ACSM1: variants seen among roughly 807,000 people sequenced by gnomAD.
The protein encoded by ACSM1 is acyl-coenzyme A synthetase ACSM1, mitochondrial.
A neutral mutation model predicts 75.8 loss-of-function variants in ACSM1; 79 were observed. The observed-to-expected ratio is 1.04, with a 90% CI of 0.87 to 1.26. The LOEUF is 1.26. Ranked by LOEUF, ACSM1 falls within the 50% of genes most tolerant of loss-of-function variation. The probability of loss-of-function intolerance (pLI) is 0.00; values close to 1 mark genes in which losing one functional copy is unlikely to be tolerated. For synonymous variants in ACSM1, 279 were observed against 265.8 expected (o/e 1.05, Z -0.48); for missense variants, 676 against 720.1 (o/e 0.94, Z 0.70).
intron 7 of ACSM1, among the ~76,000 whole-genome samples, chr16:20,656,598 T>G (rs2018972523): frequency 6.6e-6 from 1 of 152,216 alleles, no homozygotes; most frequent in Non-Finnish European, 1.5e-5. Flanking sequence ...ATTTAAGAGT[T>G]GCTTTATAAT....
At chr16:20,644,832 G>A (rs1356649807) in intron 7 of ACSM1, among the ~76,000 whole-genome samples, 1 of 152,226 alleles carries the variant, frequency 6.6e-6, no homozygotes, top group Non-Finnish European at 1.5e-5. Context: ...AAAGTTAACG[G>A]TGTAACATGT....
At chr16:20,670,564 G>A (rs975741556) in intron 5 of ACSM1, among the ~76,000 whole-genome samples, 26 of 152,168 alleles carry the variant, frequency 1.7e-4, no homozygotes, top group African/African-American at 5.1e-4. Flanking sequence ...ATATCTCCCC[G>A]TTGTTTTCCT....
At chr16:20,625,369 A>G in intron 12 of ACSM1, 54 bp downstream of exon 12, 1 of 1,559,486 alleles carries the variant, frequency 6.4e-7, no homozygotes, top group South Asian at 1.1e-5. Flanking sequence ...TTTCCCCTGC[A>G]CCTGCTTTCC....
intron 1 of ACSM1, among the ~76,000 whole-genome samples, 196 bp from the exon 2 acceptor site, chr16:20,691,435 A>G (rs1213025685): frequency 1.3e-5 from 2 of 152,136 alleles, no homozygotes; most frequent in Non-Finnish European, 2.9e-5. Context: ...TGGGGAGGTT[A>G]TATAGCTACT....
intron 7 of ACSM1, among the ~76,000 whole-genome samples, chr16:20,643,397 C>T (rs2018175544): frequency 6.6e-6 from 1 of 152,164 alleles, no homozygotes; most frequent in African/African-American, 2.4e-5. Context: ...TTATTCCTTC[C>T]AGTGGGTTCT....
intron 7 of ACSM1, 32 bp from the exon 8 acceptor site, chr16:20,640,616 G>A (rs12444145): frequency 3.5e-4 from 572 of 1,613,894 alleles, no homozygotes; most frequent in Admixed American, 8.7e-4. Context: ...AGGCATTGGT[G>A]AGCCACCCTG....
rs925623815 is a variant in ACSM1, at chr16:20,657,957, A to G, written c.992+3837T>C. 3.3e-5 allele frequency among the ~76,000 whole-genome samples: 5 copies of G among 152,134 alleles called. No individual in the cohort carries two copies. The East Asian group carries it at 9.6e-4, about 29-fold the overall frequency. On this transcript the variant is annotated intron_variant, in intron 7 of 13. Transcript: ENST00000520010. ...TGAACTCATCATTTTTTGTGGCTGC[A>G]TAGTATTCCATGGTGTATATGTGCC...
At chr16:20,655,459 A>G (rs1392664509) in intron 7 of ACSM1, among the ~76,000 whole-genome samples, 1 of 152,174 alleles carries the variant, frequency 6.6e-6, no homozygotes. Context: ...AACAGTCTGA[A>G]CGCTTGTGAA....
At chr16:20,691,424 C>T (rs980984176) in intron 1 of ACSM1, among the ~76,000 whole-genome samples, 185 bp from the exon 2 acceptor site, 1 of 152,128 alleles carries the variant, frequency 6.6e-6, no homozygotes, top group African/African-American at 2.4e-5. Flanking sequence ...GCAGAAAACG[C>T]TGGGGAGGTT....
At chr16:20,681,250 A>ATAT (rs1338310217) in intron 4 of ACSM1, 6 of 152,256 alleles carry the variant, frequency 3.9e-5, no homozygotes, top group Non-Finnish European at 7.3e-5. Context: ...GAAATGCTAT[A>ATAT]TATTGAAATA....
intron 4 of ACSM1, chr16:20,674,012 T>C (rs891365480): frequency 2.8e-4 from 115 of 414,758 alleles, no homozygotes; most frequent in African/African-American, 2.3e-3. Context: ...AACAGTGACA[T>C]AAGTGAGGTT....
chr16:20,625,281 G>T, intron 12 of ACSM1, 142 bp downstream of exon 12: 1 of 736,380 alleles, frequency 1.4e-6, no homozygotes, highest in Non-Finnish European at 2.2e-6. Context: ...AGTCCACACT[G>T]TCCCCTGGTG....
chr16:20,638,323 T>C (rs913186842), intron 8 of ACSM1, among the ~76,000 whole-genome samples: 1 of 152,242 alleles, frequency 6.6e-6, no homozygotes, highest in Admixed American at 6.5e-5. Context: ...CTACTGGCTA[T>C]TACTCAAGCT....
rs372556564 is a variant in ACSM1, at chr16:20,685,414, C to A, written c.193-11G>T. 1.2e-5 allele frequency: 19 copies of A among 1,611,874 alleles called. No individual in the cohort carries two copies. In the Admixed American group the frequency reaches 3.2e-4, roughly 27 times the overall value. On this transcript the variant is annotated splice_polypyrimidine_tract_variant and intron_variant, in intron 2 of 13. Transcript: ENST00000520010. ...ACCTCTCTTGCCCTCCTGGTCAAGA[C>A]CATATATTATGTGTTATTTTCTGCT...
chr16:20,693,530 T>TAAGTTA (rs2079674164), intron 1 of ACSM1, among the ~76,000 whole-genome samples: 2 of 152,206 alleles, frequency 1.3e-5, no homozygotes, highest in African/African-American at 4.8e-5. Flanking sequence ...CTTGCTCACT[T>TAAGTTA]TCAACAATGA....
intron 6 of ACSM1, among the ~76,000 whole-genome samples, chr16:20,669,517 A>C (rs1404856316): frequency 6.6e-6 from 1 of 151,458 alleles, no homozygotes; most frequent in Non-Finnish European, 1.5e-5. Flanking sequence ...ATCAGGGTCC[A>C]GGATCTGGGA....
At chr16:20,692,924 C>T (rs1489576638) in intron 1 of ACSM1, among the ~76,000 whole-genome samples, 1 of 151,896 alleles carries the variant, frequency 6.6e-6, no homozygotes, top group African/African-American at 2.4e-5. Context: ...TAATCCCAGC[C>T]CTTTGGGAGG....
chr16:20,683,959 A>T (rs2079500864), intron 3 of ACSM1, among the ~76,000 whole-genome samples: 1 of 152,022 alleles, frequency 6.6e-6, no homozygotes, highest in African/African-American at 2.4e-5. Context: ...TTACTTCTTG[A>T]TTTCACATGA....
At position 20,640,311 on chromosome 16, in the gene ACSM1, C is replaced by T. The variant is rs536342173; in HGVS notation, c.1116+150G>A. ...TTTCTTCCTTTTTCCCCAATATCTG[C>T]CTTTTCTCCTTTAAATATTGAAGCC... On this transcript the variant is annotated intron_variant, in intron 8 of 13. Transcript: ENST00000520010. 1.8e-5 allele frequency: 17 copies of T among 938,578 alleles called. No homozygotes were observed. In the East Asian group the frequency reaches 4.0e-4, roughly 22 times the overall value. The allele number at this position is 938,578 out of a possible 1,614,324, so 58.1% of individuals were successfully genotyped here.
Sources: gnomAD v4.1 joint callset for allele counts (sites outside exome capture counted in the v4.1 genomes callset) on GRCh38, gnomAD v4.1.1 for gene constraint, MANE v1.5 for transcripts, NCBI Gene and HGNC (gene_info 2026-07-23, HGNC 2026-07-21) for gene names.